SSX2IP: variants seen among roughly 807,000 people sequenced by gnomAD.
The protein encoded by SSX2IP is SSX family member 2 interacting protein, also known as afadin- and alpha-actinin-binding protein.
SSX2IP carries 55 observed loss-of-function variants against 84.9 expected under a neutral mutation model. The ratio of observed to expected loss-of-function variants is 0.65; its 90% CI spans 0.52 to 0.81. The LOEUF is 0.81. Ranked by LOEUF, SSX2IP falls within the 30% of genes least tolerant of loss-of-function variation. The pLI is 0.00. For missense variants in SSX2IP, 664 were observed against 705.2 expected, an observed-to-expected ratio of 0.94 and a Z score of 0.66; for synonymous variants, 239 against 234.7, an observed-to-expected ratio of 1.02 and a Z score of -0.17.
intron 1 of SSX2IP, among the ~76,000 whole-genome samples, chr1:84,678,668 A>G (rs1405353730): frequency 6.6e-6 from 1 of 152,240 alleles, no homozygotes; most frequent in East Asian, 1.9e-4. Context: ...ATGGAAAAGT[A>G]GCAAAAGAAG....
chr1:84,668,712 T>C (rs1653096297), intron 4 of SSX2IP, among the ~76,000 whole-genome samples: 2 of 152,148 alleles, frequency 1.3e-5, no homozygotes, highest in Non-Finnish European at 1.5e-5. Context: ...ACAGGTCCTA[T>C]TATTCCCTCA....
intron 1 of SSX2IP, among the ~76,000 whole-genome samples, chr1:84,686,467 T>C (rs1655802562): frequency 6.6e-6 from 1 of 152,200 alleles, no homozygotes; most frequent in Admixed American, 6.5e-5. Context: ...TTAGTAAAAC[T>C]GGGTTTGGGC....
At chr1:84,668,660 T>C (rs1157363952) in intron 4 of SSX2IP, among the ~76,000 whole-genome samples, 1 of 152,140 alleles carries the variant, frequency 6.6e-6, no homozygotes, top group African/African-American at 2.4e-5. Flanking sequence ...GCCACATCAT[T>C]ACAGCACATT....
In SSX2IP at chr1:84,671,264, T is replaced by C. The variant is rs1444333550; in HGVS notation, c.-45A>G. On this transcript the variant is annotated 5_prime_UTR_variant, in exon 2 of 14. Coordinates refer to ENST00000342203, the MANE Select transcript of SSX2IP (RefSeq NM_001166293.2). ...ATACCTGAGGAACTAGTTCAGCAGT[T>C]AAACATTTAGTCTAGCTGCTGTCAC... 7 of 1,602,732 alleles carry C rather than the reference T, an allele frequency of 4.4e-6. No homozygotes were observed. The highest frequency in any genetic ancestry group is 1.7e-4 in the Middle Eastern group (1 of 6,054).
chr1:84,674,838 C>T (rs1164326499), intron 1 of SSX2IP, among the ~76,000 whole-genome samples: 1 of 152,136 alleles, frequency 6.6e-6, no homozygotes, highest in Non-Finnish European at 1.5e-5. Context: ...CTCTTCTGTT[C>T]AATGATGTAC....
Position 84,663,335 on chromosome 1 carries a change from T to A in SSX2IP, c.674-805A>T, listed in dbSNP as rs1652304385. Among the ~76,000 whole-genome samples the A allele has an allele frequency of 2.6e-5, 4 of 152,194 alleles. No individual in the cohort carries two copies. In the South Asian group the frequency reaches 8.3e-4, roughly 31 times the overall value. On this transcript the variant is annotated intron_variant, in intron 6 of 13. Transcript: ENST00000342203. The stretch of plus-strand genomic sequence containing the variant: ...TCTGTTTCCAGAACTAAATCCTTAA[T>A]AAACTTCTCTGTGTTACACTTTATA...
In SSX2IP at chr1:84,669,893, C is replaced by A. The variant is rs1040292518; in HGVS notation, c.214G>T (p.Glu72Ter). The A allele has an allele frequency of 1.2e-6, 2 of 1,610,714 alleles. No homozygotes were observed. Among genetic ancestry groups the A allele is most frequent in the Non-Finnish European group, 1.7e-6 (2 of 1,178,064 alleles). Residue 72 changes from glutamate (E) to a stop codon, truncating the protein, a stop_gained and splice_region_variant, in exon 4 of 14, where the codon GAA becomes TAA. Transcript: ENST00000342203. LOFTEE classifies it high-confidence loss of function. ...IEQSISYLDQ[E>*]LTTFGFPSLY... ...GAAGGAAAACCAAAAGTAGTCAATT[C>A]CTGGTAGGAGAAAATGTTTTCTTAA...
rs975394982 is a variant in SSX2IP, at chr1:84,643,928, A to G, written c.*3505T>C. On this transcript the variant is annotated 3_prime_UTR_variant, in exon 14 of 14. Coordinates refer to ENST00000342203, the MANE Select transcript of SSX2IP (RefSeq NM_001166293.2). ...AGTCATTTGATTTCATATAAATCAA[A>G]TAATTTAATCAATATCCACCCACTC... is the stretch of plus-strand genomic sequence containing the variant. 7.2e-5 allele frequency: 11 copies of G among 152,226 alleles called. No homozygotes were observed. Among genetic ancestry groups the G allele is most frequent in the African/African-American group, 2.7e-4 (11 of 41,462 alleles). 9.4% of individuals were successfully genotyped at this position (152,226 alleles called of 1,614,324 possible). A position where few individuals can be genotyped will look rare whatever the true frequency, so the allele number is the denominator to read the frequency against.
At chr1:84,660,906 A>G (rs1570615880) in intron 8 of SSX2IP, among the ~76,000 whole-genome samples, 2 of 148,962 alleles carry the variant, frequency 1.3e-5, no homozygotes, top group Non-Finnish European at 3.0e-5. Flanking sequence ...AAAAAAAAAA[A>G]AAAAAAAAAA....
Position 84,658,301 on chromosome 1 carries a change from A to G in SSX2IP, c.1078+17T>C, listed in dbSNP as rs774956961. On this transcript the variant is annotated intron_variant, in intron 9 of 13. Transcript: ENST00000342203. Reference sequence around the variant, plus strand: ...AAATGTCACAACTCACTTTACATGCATAGAAGCAGTGGTTACCTTGGTTAT... The same window carrying G: ...AAATGTCACAACTCACTTTACATGCGTAGAAGCAGTGGTTACCTTGGTTAT... 46 of 1,613,712 alleles carry G rather than the reference A, an allele frequency of 2.9e-5. No individual in the cohort carries two copies. Among genetic ancestry groups the G allele is most frequent in the Non-Finnish European group, 3.9e-5 (46 of 1,179,862 alleles).
chr1:84,662,533 A>G lies in SSX2IP; in HGVS notation c.674-3T>C, dbSNP rs1448425321. 6.2e-7 allele frequency: 1 copy of G among 1,613,470 alleles called. No individual in the cohort carries two copies. ...GACATAATTCAAAATGTCCATAGCTACAAACATGAACACATAAAATTAATT... is the reference window on the plus strand; with the variant it reads ...GACATAATTCAAAATGTCCATAGCTGCAAACATGAACACATAAAATTAATT... On this transcript the variant is annotated splice_polypyrimidine_tract_variant and splice_region_variant and intron_variant, in intron 6 of 13. Transcript: ENST00000342203.
intron 1 of SSX2IP, among the ~76,000 whole-genome samples, chr1:84,685,733 C>T (rs1483177445): frequency 6.6e-6 from 1 of 152,178 alleles, no homozygotes; most frequent in East Asian, 1.9e-4. Flanking sequence ...CATTATAAAA[C>T]AACATGGCTA....
chr1:84,649,961 T>C (rs1421259794), intron 13 of SSX2IP: 2 of 566,948 alleles, frequency 3.5e-6, no homozygotes, highest in Non-Finnish European at 6.8e-6. Flanking sequence ...TCAACAACAA[T>C]AAAATGGGCA....
intron 1 of SSX2IP, among the ~76,000 whole-genome samples, chr1:84,678,910 G>A (rs909357420): frequency 1.3e-5 from 2 of 152,140 alleles, no homozygotes; most frequent in African/African-American, 4.8e-5. Context: ...AACAATTTCA[G>A]TCGACAGAAA....
intron 1 of SSX2IP, among the ~76,000 whole-genome samples, chr1:84,675,210 T>G (rs1319009031): frequency 1.3e-5 from 2 of 152,202 alleles, no homozygotes; most frequent in African/African-American, 4.8e-5. Context: ...ATATTATAGA[T>G]TAATCAAATA....
At chr1:84,649,840 G>C in intron 13 of SSX2IP, 2 of 438,798 alleles carry the variant, frequency 4.6e-6, no homozygotes, top group Non-Finnish European at 8.9e-6. Context: ...TAGCAATTAA[G>C]AGCAACATAT....
intron 12 of SSX2IP, among the ~76,000 whole-genome samples, chr1:84,651,456 G>A (rs1394835926): frequency 5.3e-5 from 8 of 152,158 alleles, no homozygotes; most frequent in East Asian, 1.9e-4. Context: ...TAGGCCAGGC[G>A]CAGTGGCTCA....
Position 84,669,883 on chromosome 1 carries a change from G to A in SSX2IP, c.224C>T (p.Thr75Ile). The A allele has an allele frequency of 6.2e-7, 1 of 1,612,564 alleles. No homozygotes were observed. Among genetic ancestry groups the A allele is most frequent in the Non-Finnish European group, 8.5e-7 (1 of 1,179,168 alleles). The change falls in exon 4 of 14, where the codon ACT (threonine) becomes ATT (isoleucine). Residue 75 changes from threonine (T) to isoleucine (I), a missense_variant. Coordinates refer to ENST00000342203, the MANE Select transcript of SSX2IP (RefSeq NM_001166293.2). ...TTCATATAATGAAGGAAAACCAAAA[G>A]TAGTCAATTCCTGGTAGGAGAAAAT... is the stretch of plus-strand genomic sequence containing the variant. ...SISYLDQELT[T>I]FGFPSLYEES...
chr1:84,657,482 T>C (rs370452097), intron 9 of SSX2IP, among the ~76,000 whole-genome samples: 4 of 152,172 alleles, frequency 2.6e-5, no homozygotes, highest in East Asian at 1.9e-4. Context: ...ACTAGGAACA[T>C]AGTAATCTGC....
Sources: allele counts gnomAD v4.1 joint callset (sites outside exome capture counted in the v4.1 genomes callset), GRCh38; gene constraint gnomAD v4.1.1; transcripts MANE v1.5; gene names NCBI Gene and HGNC (gene_info 2026-07-23, HGNC 2026-07-21).